The following CAMKMT variants were observed in gnomAD, a reference collection of about 807,000 sequenced individuals.
The protein encoded by CAMKMT is CaM KMT.
CAMKMT carries 53 observed loss-of-function variants against 48.0 expected under a neutral mutation model. The ratio of observed to expected loss-of-function variants is 1.10; its 90% confidence interval spans 0.89 to 1.39. The LOEUF (loss-of-function observed/expected upper bound fraction) is 1.39. CAMKMT is among the 40% of genes most tolerant of loss of function. The pLI, the probability that CAMKMT is intolerant of heterozygous loss-of-function variation, is 0.00. For synonymous variants in CAMKMT, 165 were observed against 152.3 expected, an observed-to-expected ratio of 1.08 and a Z score of -0.61; for missense variants, 428 against 402.7, an observed-to-expected ratio of 1.06 and a Z score of -0.54.
chr2:44,434,008 A>G (rs942758330), intron 3 of CAMKMT, among the ~76,000 whole-genome samples: 2 of 152,176 alleles, frequency 1.3e-5, no homozygotes, highest in Admixed American at 1.3e-4. Flanking sequence ...CTGCCTGCCA[A>G]CTAGATGTAT....
intron 3 of CAMKMT, among the ~76,000 whole-genome samples, chr2:44,681,459 G>T (rs1676015669): frequency 6.6e-6 from 1 of 151,792 alleles, no homozygotes; most frequent in Non-Finnish European, 1.5e-5. Context: ...CACTTATCCA[G>T]TGTGATTCGG....
intron 3 of CAMKMT, among the ~76,000 whole-genome samples, chr2:44,483,063 G>A (rs1349420312): frequency 3.9e-5 from 6 of 152,052 alleles, no homozygotes; most frequent in Admixed American, 3.9e-4. Flanking sequence ...TGCATGTTGT[G>A]GGCAAGACAT....
At chr2:44,515,427 C>T (rs1405433768) in intron 3 of CAMKMT, among the ~76,000 whole-genome samples, 2 of 152,284 alleles carry the variant, frequency 1.3e-5, no homozygotes, top group African/African-American at 2.4e-5. Flanking sequence ...TCTATAATCT[C>T]TGTGGAATAT....
intron 2 of CAMKMT, among the ~76,000 whole-genome samples, chr2:44,378,471 AGTTTGTTTGTTTGTTTGTTT>A (rs71393268): frequency 6.6e-5 from 10 of 150,758 alleles, no homozygotes; most frequent in Non-Finnish European, 1.2e-4. Context: ...TCTAGAATTA[AGTTTGTTTGTTTGTTTGTTT>A]GTTTGTTTGT....
chr2:44,568,221 G>A (rs559919297), intron 3 of CAMKMT, among the ~76,000 whole-genome samples: 3 of 152,272 alleles, frequency 2.0e-5, no homozygotes, highest in Non-Finnish European at 4.4e-5. Context: ...AGCAAAACAA[G>A]CTGAGCCTGA....
chr2:44,698,312 C>A (rs1677071874), intron 3 of CAMKMT, among the ~76,000 whole-genome samples: 1 of 152,178 alleles, frequency 6.6e-6, no homozygotes, highest in Non-Finnish European at 1.5e-5. Context: ...TATGAATATA[C>A]CTATTCTGGA....
At chr2:44,374,563 G>C (rs974318130) in intron 2 of CAMKMT, among the ~76,000 whole-genome samples, 2 of 152,184 alleles carry the variant, frequency 1.3e-5, no homozygotes, top group African/African-American at 4.8e-5. Context: ...CCTGGTAAGG[G>C]TTAGCCAGTG....
intron 3 of CAMKMT, among the ~76,000 whole-genome samples, chr2:44,410,231 G>GTA (rs1301135062): frequency 0.12 from 2,375 of 20,420 alleles, 756 homozygotes; most frequent in African/African-American, 0.35. Flanking sequence ...TCAGGTATCA[G>GTA]TATATATATA....
At chr2:44,537,308 A>G (rs1253121000) in intron 3 of CAMKMT, among the ~76,000 whole-genome samples, 1 of 152,204 alleles carries the variant, frequency 6.6e-6, no homozygotes, top group Non-Finnish European at 1.5e-5. Context: ...AATTCAAACA[A>G]CTCAACAGTA....
At position 44,459,227 on chromosome 2, in the gene CAMKMT, A is replaced by G. The variant is rs528080355; in HGVS notation, c.376+68922A>G. ...GCTTTAGAATTTCAATAGTTATTGT[A>G]TATTCAAAACAGCTACACAAGCACT... On this transcript the variant is annotated intron_variant, in intron 3 of 10. Coordinates refer to ENST00000378494, the MANE Select transcript of CAMKMT (RefSeq NM_024766.5). Among the ~76,000 whole-genome samples, 12 of 152,318 alleles carry G rather than the reference A, an allele frequency of 7.9e-5. No homozygotes were observed. The South Asian group carries it at 2.3e-3, about 29-fold the overall frequency.
At chr2:44,527,785 GC>G (rs71393280) in intron 3 of CAMKMT, among the ~76,000 whole-genome samples, 7,866 of 84,702 alleles carry the variant, frequency 0.093, 457 homozygotes, top group Admixed American at 0.23. Context: ...CATGTGTACA[GC>G]CCCCCCCCCC....
At chr2:44,547,882 A>G (rs1667491190) in intron 3 of CAMKMT, among the ~76,000 whole-genome samples, 1 of 152,308 alleles carries the variant, frequency 6.6e-6, no homozygotes, top group Admixed American at 6.5e-5. Flanking sequence ...CTGAAGCTGC[A>G]GTGGAAAGGG....
intron 2 of CAMKMT, among the ~76,000 whole-genome samples, chr2:44,382,188 C>T (rs1228054314): frequency 2.0e-5 from 3 of 152,044 alleles, no homozygotes; most frequent in Non-Finnish European, 2.9e-5. Context: ...GTGATTCTAC[C>T]TGCGTCAACC....
intron 3 of CAMKMT, among the ~76,000 whole-genome samples, chr2:44,571,656 C>G (rs547559997): frequency 6.6e-6 from 1 of 152,018 alleles, no homozygotes; most frequent in Admixed American, 6.5e-5. Context: ...CTAAGGCCTT[C>G]TTTGATCTGA....
chr2:44,748,851 C>T (rs966172051), intron 8 of CAMKMT, among the ~76,000 whole-genome samples: 3 of 152,076 alleles, frequency 2.0e-5, no homozygotes, highest in Non-Finnish European at 4.4e-5. Flanking sequence ...ATTATTGCCT[C>T]ACTAAGGAAT....
intron 3 of CAMKMT, among the ~76,000 whole-genome samples, chr2:44,473,033 A>G (rs1182687964): frequency 6.6e-6 from 1 of 152,184 alleles, no homozygotes; most frequent in Non-Finnish European, 1.5e-5. Context: ...ACGTGTCTAA[A>G]TGGATAGTTC....
chr2:44,488,709 CA>C (rs762640067), intron 3 of CAMKMT, among the ~76,000 whole-genome samples: 38 of 144,330 alleles, frequency 2.6e-4, no homozygotes, highest in East Asian at 1.4e-3. Flanking sequence ...TCAAATCAAA[CA>C]AAAAAAAAAC....
At chr2:44,579,997 A>C (rs1255547457) in intron 3 of CAMKMT, among the ~76,000 whole-genome samples, 1 of 152,106 alleles carries the variant, frequency 6.6e-6, no homozygotes, top group Admixed American at 6.5e-5. Flanking sequence ...TTTAGACCCA[A>C]TTCCTGTGGT....
At chr2:44,741,634 A>AT (rs1280171760) in intron 7 of CAMKMT, among the ~76,000 whole-genome samples, 1 of 152,212 alleles carries the variant, frequency 6.6e-6, no homozygotes, top group Non-Finnish European at 1.5e-5. Context: ...TGTCACATGC[A>AT]TGTAGCACAG....
Sources: gnomAD v4.1 joint callset for allele counts (sites outside exome capture counted in the v4.1 genomes callset) on GRCh38, gnomAD v4.1.1 for gene constraint, MANE v1.5 for transcripts, NCBI Gene and HGNC (gene_info 2026-07-23, HGNC 2026-07-21) for gene names.